Variants in GMPS observed in about 807,000 individuals in gnomAD.
The protein encoded by GMPS is guanosine monophosphate synthase, also known as GMP synthase [glutamine-hydrolyzing].
A neutral mutation model predicts 77.9 loss-of-function variants in GMPS; 15 were observed. The observed-to-expected ratio is 0.19, with a 90% CI of 0.13 to 0.30. The LOEUF (loss-of-function observed/expected upper bound fraction) is 0.30, where lower values mean the gene tolerates loss of function less well. GMPS is among the 10% of genes least tolerant of loss of function. The pLI, the probability that GMPS is intolerant of heterozygous loss-of-function variation, is 1.00. For missense variants in GMPS, 590 were observed against 838.8 expected, an observed-to-expected ratio of 0.70 and a Z score of 3.66; for synonymous variants, 224 against 275.9, an observed-to-expected ratio of 0.81 and a Z score of 1.86.
At chr3:155,893,720 T>C in intron 2 of GMPS, 21 bp downstream of exon 2, 1 of 1,403,010 alleles carries the variant, frequency 7.1e-7, no homozygotes, top group Non-Finnish European at 9.9e-7. Context: ...CACTAATCTT[T>C]TCATGAGGAG....
chr3:155,943,373 T>A lies in GMPS; in HGVS notation c.*5681T>A, dbSNP rs1036277245. On this transcript the variant is annotated 3_prime_UTR_variant, in exon 16 of 16. Transcript: ENST00000496455. ...AAGTACAACTACAAAATCCTCTGAG[T>A]TCTCCAGGAAGCCTAAACCTTGAGC... 2.8e-5 allele frequency: 5 copies of A among 181,146 alleles called. No individual in the cohort carries two copies. In the South Asian group the frequency reaches 9.9e-4, roughly 36 times the overall value. The allele number at this position is 181,146 out of a possible 1,614,324, so 11.2% of individuals were successfully genotyped here.
intron 3 of GMPS, among the ~76,000 whole-genome samples, chr3:155,903,571 T>C (rs1191900172): frequency 6.6e-6 from 1 of 152,232 alleles, no homozygotes; most frequent in East Asian, 1.9e-4. Context: ...TCTCTATTTT[T>C]AAGCAGATGA....
rs541257972 is a variant in GMPS, at chr3:155,921,739, C to G, written c.1319-448C>G. 5.9e-4 allele frequency among the ~76,000 whole-genome samples: 89 copies of G among 152,058 alleles called. No individual in the cohort carries two copies. In the South Asian group the frequency reaches 0.018, roughly 31 times the overall value. The stretch of plus-strand genomic sequence containing the variant: ...CTCAGGAATTTGAGGCTGCAGTGAG[C>G]AATAATTGCACCACTGCACTCTAGC... On this transcript the variant is annotated intron_variant, in intron 10 of 15. Transcript: ENST00000496455.
In GMPS at chr3:155,882,715, T is replaced by C. The variant is rs150349586; in HGVS notation, c.28-10803T>C. Among the ~76,000 whole-genome samples, 531 of 152,372 alleles carry C rather than the reference T, an allele frequency of 3.5e-3. 4 individuals carry two copies. The highest frequency in any genetic ancestry group is 0.012 in the African/African-American group (488 of 41,592). On this transcript the variant is annotated intron_variant, in intron 1 of 15. Coordinates refer to ENST00000496455, the MANE Select transcript of GMPS (RefSeq NM_003875.3). ...GAAATAAAATTACTTTGTCAACTTG[T>C]TATGCAAATTTATGGATGCTTATAT...
At chr3:155,928,577 G>A (rs1160265592) in intron 12 of GMPS, among the ~76,000 whole-genome samples, 1 of 150,146 alleles carries the variant, frequency 6.7e-6, no homozygotes, top group Non-Finnish European at 1.5e-5. Context: ...GGGTACATGT[G>A]CACATTGTGC....
At chr3:155,878,151 C>T (rs1244890091) in intron 1 of GMPS, among the ~76,000 whole-genome samples, 1 of 152,130 alleles carries the variant, frequency 6.6e-6, no homozygotes, top group Non-Finnish European at 1.5e-5. Context: ...TCCCAAAGAC[C>T]TCACCTCTTA....
In GMPS at chr3:155,942,966, C is replaced by T. The variant is rs1273430544; in HGVS notation, c.*5274C>T. The T allele has an allele frequency of 5.4e-6, 1 of 185,268 alleles. No homozygotes were observed. The highest frequency in any genetic ancestry group is 2.3e-5 in the African/African-American group (1 of 42,650). 11.5% of individuals were successfully genotyped at this position (185,268 alleles called of 1,614,324 possible). On this transcript the variant is annotated 3_prime_UTR_variant, in exon 16 of 16. Coordinates refer to ENST00000496455, the MANE Select transcript of GMPS (RefSeq NM_003875.3). ...ATATTTGTGACCAGGCACAGTGGCG[C>T]ATGCCTGTAATCCCAGCACTTTGGG...
chr3:155,897,884 A>G (rs1489303591), intron 2 of GMPS, 43 bp from the exon 3 acceptor site: 1 of 989,552 alleles, frequency 1.0e-6, no homozygotes, highest in East Asian at 2.4e-5. Flanking sequence ...ACCTTGTATA[A>G]AAATTAACAG....
chr3:155,900,800 C>G (rs563159261), intron 3 of GMPS, among the ~76,000 whole-genome samples: 61 of 152,022 alleles, frequency 4.0e-4, no homozygotes, highest in Non-Finnish European at 7.9e-4. Flanking sequence ...AGAATTTGTC[C>G]TTCCATAAAA....
intron 1 of GMPS, among the ~76,000 whole-genome samples, chr3:155,877,422 A>G (rs1446407717): frequency 6.6e-6 from 1 of 152,082 alleles, no homozygotes; most frequent in Non-Finnish European, 1.5e-5. Context: ...ATCCAACCCC[A>G]TAGTTCTTAG....
chr3:155,925,429 G>C, intron 12 of GMPS, 63 bp downstream of exon 12: 16 of 1,319,200 alleles, frequency 1.2e-5, no homozygotes, highest in Non-Finnish European at 1.7e-5. Flanking sequence ...TCTTGAGACG[G>C]AGTCTCACTG....
intron 1 of GMPS, among the ~76,000 whole-genome samples, chr3:155,885,215 G>A (rs1206355916): frequency 6.6e-6 from 1 of 152,192 alleles, no homozygotes; most frequent in Admixed American, 6.5e-5. Context: ...TATGTCAGTA[G>A]AGACTTGTAT....
In GMPS at chr3:155,941,914, C is replaced by G; in HGVS notation, c.*4222C>G. 4.7e-6 allele frequency: 1 copy of G among 211,438 alleles called. No homozygotes were observed. The allele number at this position is 211,438 out of a possible 1,614,324, so 13.1% of individuals were successfully genotyped here. On this transcript the variant is annotated 3_prime_UTR_variant, in exon 16 of 16. Transcript: ENST00000496455. The stretch of plus-strand genomic sequence containing the variant: ...AGAGTGTCAAGATGCTAACTTCCAA[C>G]CCTATTTTTATGTACTGAAGAGGCC...
At chr3:155,936,536 C>T (rs1334485333) in intron 15 of GMPS, 26 bp downstream of exon 15, 5 of 1,379,782 alleles carry the variant, frequency 3.6e-6, no homozygotes, top group Non-Finnish European at 5.2e-6. Context: ...TTTTCTAATG[C>T]ACGTTCTCAG....
chr3:155,936,157 C>T (rs1231096127), intron 14 of GMPS, among the ~76,000 whole-genome samples, 181 bp from the exon 15 acceptor site: 1 of 152,076 alleles, frequency 6.6e-6, no homozygotes, highest in African/African-American at 2.4e-5. Context: ...CTGTTTTTTG[C>T]ATTTGTGATT....
intron 12 of GMPS, among the ~76,000 whole-genome samples, chr3:155,929,113 C>T (rs2108139065): frequency 6.6e-6 from 1 of 151,750 alleles, no homozygotes. Flanking sequence ...AATCGCCACA[C>T]TGATTTCCAC....
intron 1 of GMPS, among the ~76,000 whole-genome samples, chr3:155,873,458 C>T (rs755018553): frequency 6.6e-6 from 1 of 151,546 alleles, no homozygotes; most frequent in Non-Finnish European, 1.5e-5. Flanking sequence ...AGACAGTTCT[C>T]GCTGTGTTGC....
At chr3:155,897,357 G>T (rs946191889) in intron 2 of GMPS, among the ~76,000 whole-genome samples, 1 of 152,156 alleles carries the variant, frequency 6.6e-6, no homozygotes, top group African/African-American at 2.4e-5. Flanking sequence ...TGAGAGCAGG[G>T]CATGTGGGGG....
rs945084996 is a variant in GMPS at position 155,937,444 on chromosome 3, A to T, written c.1981-147A>T. 2.0e-5 allele frequency: 12 copies of T among 600,842 alleles called. No homozygotes were observed. In the African/African-American group the frequency reaches 2.2e-4, roughly 11 times the overall value. 37.2% of individuals were successfully genotyped at this position (600,842 alleles called of 1,614,324 possible). On this transcript the variant is annotated intron_variant, in intron 15 of 15. Coordinates refer to ENST00000496455, the MANE Select transcript of GMPS (RefSeq NM_003875.3). The stretch of plus-strand genomic sequence containing the variant: ...CCCTGCAGAGGGGAATAGGTTCATT[A>T]TATAAGATTAATCAGAAACCATCCC...
Sources: allele counts gnomAD v4.1 joint callset (sites outside exome capture counted in the v4.1 genomes callset), GRCh38; gene constraint gnomAD v4.1.1; transcripts MANE v1.5; gene names NCBI Gene and HGNC (gene_info 2026-07-23, HGNC 2026-07-21).